Variants in ATXN1 observed in about 807,000 individuals in gnomAD.
ATXN1 encodes the protein ataxin-1.
In ATXN1, 8 loss-of-function variants were observed where a neutral mutation model predicts 56.4. The observed-to-expected ratio is 0.14, with a 90% CI of 0.08 to 0.26. The LOEUF (loss-of-function observed/expected upper bound fraction) is 0.26, where lower values mean the gene tolerates loss of function less well. Among genes scored for constraint, ATXN1 ranks in the 10% least tolerant of loss-of-function variants. ATXN1 has a pLI of 1.00. For synonymous variants in ATXN1, 514 were observed against 494.6 expected, an observed-to-expected ratio of 1.04 and a Z score of -0.52; for missense variants, 987 against 1,106.5, an observed-to-expected ratio of 0.89 and a Z score of 1.53.
intron 4 of ATXN1, among the ~76,000 whole-genome samples, chr6:16,577,818 T>A (rs1360989847): frequency 6.6e-6 from 1 of 152,232 alleles, no homozygotes; most frequent in East Asian, 1.9e-4. Context: ...AAATAGCATA[T>A]GTAGAGGGCT....
chr6:16,343,798 C>G (rs2113445172), intron 6 of ATXN1, among the ~76,000 whole-genome samples: 1 of 152,316 alleles, frequency 6.6e-6, no homozygotes, highest in Non-Finnish European at 1.5e-5. Context: ...TTACTCAGCT[C>G]TACCTCTGCA....
intron 4 of ATXN1, among the ~76,000 whole-genome samples, chr6:16,553,292 C>A (rs1761955449): frequency 6.6e-6 from 1 of 152,118 alleles, no homozygotes; most frequent in Non-Finnish European, 1.5e-5. Flanking sequence ...AAAGACTATC[C>A]CTTTCATGGC....
intron 2 of ATXN1, among the ~76,000 whole-genome samples, chr6:16,700,696 G>A (rs1759263659): frequency 6.6e-6 from 1 of 152,130 alleles, no homozygotes; most frequent in African/African-American, 2.4e-5. Context: ...GGCAGGAGGA[G>A]GTGAAAACTG....
chr6:16,387,337 A>G (rs769990160), intron 6 of ATXN1, among the ~76,000 whole-genome samples: 4 of 152,214 alleles, frequency 2.6e-5, no homozygotes, highest in Admixed American at 1.3e-4. Context: ...GGCACCACAT[A>G]TCTCTGAATG....
rs189379170 is a variant in ATXN1 at position 16,753,323 on chromosome 6, C to T, written c.-705G>A. ...CAAATCTGCAGCTTGAATGGACCAC[C>T]CTGGTGACTTGATGCACGATGCTCC... On this transcript the variant is annotated 5_prime_UTR_variant, in exon 2 of 8. Coordinates refer to ENST00000436367, the MANE Select transcript of ATXN1 (RefSeq NM_001128164.2). 1.5e-4 allele frequency: 67 copies of T among 456,898 alleles called. No individual in the cohort carries two copies. In the East Asian group the frequency reaches 3.8e-3, roughly 26 times the overall value. 28.3% of individuals were successfully genotyped at this position (456,898 alleles called of 1,614,324 possible). A position where few individuals can be genotyped will look rare whatever the true frequency, so the allele number is the denominator to read the frequency against.
chr6:16,690,829 G>T (rs1408233086), intron 2 of ATXN1, among the ~76,000 whole-genome samples: 1 of 152,166 alleles, frequency 6.6e-6, no homozygotes. Context: ...CTGTGGGGCA[G>T]AATCTCCCCT....
chr6:16,615,308 G>C (rs942655105), intron 3 of ATXN1: 2 of 151,122 alleles, frequency 1.3e-5, no homozygotes, highest in Non-Finnish European at 3.0e-5. Flanking sequence ...CAGTCTTTTT[G>C]TCATCATCGC....
intron 2 of ATXN1, among the ~76,000 whole-genome samples, chr6:16,674,063 A>G (rs961695418): frequency 3.3e-5 from 5 of 152,108 alleles, no homozygotes; most frequent in African/African-American, 9.7e-5. Context: ...ATATATATAT[A>G]TATTCTTACA....
chr6:16,629,705 C>A lies in ATXN1; in HGVS notation c.-489+28071G>T, dbSNP rs1313308122. Among the ~76,000 whole-genome samples, 4 of 152,138 alleles carry A rather than the reference C, an allele frequency of 2.6e-5. 1 individual carries two copies. The highest frequency in any genetic ancestry group is 2.6e-4 in the Admixed American group (4 of 15,276). Reference sequence around the variant, plus strand: ...CTGAAGTGGGTGGATCCCCTGAGGTCAGGAGTTCGAGACCATCCTGGCCAA... The same window carrying A: ...CTGAAGTGGGTGGATCCCCTGAGGTAAGGAGTTCGAGACCATCCTGGCCAA... On this transcript the variant is annotated intron_variant, in intron 3 of 7. Coordinates refer to ENST00000436367, the MANE Select transcript of ATXN1 (RefSeq NM_001128164.2).
At chr6:16,493,919 T>C (rs1331332432) in intron 5 of ATXN1, among the ~76,000 whole-genome samples, 1 of 152,206 alleles carries the variant, frequency 6.6e-6, no homozygotes, top group Non-Finnish European at 1.5e-5. Flanking sequence ...TTCTGAGGAA[T>C]AAAGAGAAGC....
rs529311830 is a variant in ATXN1, at chr6:16,631,671, T to C, written c.-489+26105A>G. Among the ~76,000 whole-genome samples, 29 of 152,306 alleles carry C rather than the reference T, an allele frequency of 1.9e-4. No homozygotes were observed. The South Asian group carries it at 5.6e-3, about 29-fold the overall frequency. ...TTCTATAGGACTCTCCCTTCTTTAG[T>C]TCTAATTATTAAAAGCAGGGTTCTG... On this transcript the variant is annotated intron_variant, in intron 3 of 7. Transcript: ENST00000436367.
At chr6:16,616,404 G>A (rs1411991362) in intron 3 of ATXN1, among the ~76,000 whole-genome samples, 2 of 151,606 alleles carry the variant, frequency 1.3e-5, no homozygotes, top group Admixed American at 6.6e-5. Flanking sequence ...GCCAGGTGTG[G>A]TGGTACACAC....
intron 6 of ATXN1, among the ~76,000 whole-genome samples, chr6:16,381,754 CA>C (rs1266245934): frequency 1.3e-5 from 2 of 152,194 alleles, no homozygotes; most frequent in Non-Finnish European, 2.9e-5. Context: ...ACAACTCTGC[CA>C]GTCAGGTTAT....
chr6:16,444,562 GGTT>G (rs1759594877), intron 6 of ATXN1, among the ~76,000 whole-genome samples: 1 of 152,072 alleles, frequency 6.6e-6, no homozygotes, highest in Non-Finnish European at 1.5e-5. Flanking sequence ...ACAGTGACTT[GGTT>G]TGACACTGTG....
intron 4 of ATXN1, among the ~76,000 whole-genome samples, chr6:16,555,450 T>G (rs1054180505): frequency 1.3e-5 from 2 of 152,184 alleles, no homozygotes; most frequent in Non-Finnish European, 2.9e-5. Context: ...CCTGGTTGGC[T>G]TCTCCTAAAC....
chr6:16,433,215 A>C (rs896528359), intron 6 of ATXN1: 1 of 152,162 alleles, frequency 6.6e-6, no homozygotes, highest in African/African-American at 2.4e-5. Context: ...AAAGCATAGA[A>C]TCTTTTGCAT....
chr6:16,308,322 TCACACACACACACACACACACACA>T (rs35291830), intron 7 of ATXN1, among the ~76,000 whole-genome samples: 2 of 132,648 alleles, frequency 1.5e-5, no homozygotes, highest in African/African-American at 2.8e-5. Flanking sequence ...TGAAACTCCG[TCACACACACACACACACACACACA>T]CACACACACA....
At chr6:16,335,652 G>A (rs574223948) in intron 6 of ATXN1, among the ~76,000 whole-genome samples, 1 of 152,320 alleles carries the variant, frequency 6.6e-6, no homozygotes, top group South Asian at 2.1e-4. Context: ...CCTGGGAATG[G>A]CTTTATTTGG....
chr6:16,492,737 G>A (rs963932637), intron 5 of ATXN1, among the ~76,000 whole-genome samples: 6 of 151,992 alleles, frequency 3.9e-5, no homozygotes, highest in African/African-American at 1.5e-4. Flanking sequence ...ATTTCCTAAG[G>A]CTATCTGCTC....
Sources: gnomAD v4.1 joint callset for allele counts (sites outside exome capture counted in the v4.1 genomes callset) on GRCh38, gnomAD v4.1.1 for gene constraint, MANE v1.5 for transcripts, NCBI Gene and HGNC (gene_info 2026-07-23, HGNC 2026-07-21) for gene names.